Variants in DOCK11 observed in about 807,000 individuals in gnomAD.
DOCK11 encodes the protein dedicator of cytokinesis 11.
Under a neutral mutation model 169.1 loss-of-function variants are expected in DOCK11, and 70 were observed. That is an observed-to-expected ratio of 0.41 (90% CI 0.34 to 0.51). DOCK11 has a LOEUF of 0.51. DOCK11 is among the 20% of genes least tolerant of loss of function. The pLI, the probability that DOCK11 is intolerant of heterozygous loss-of-function variation, is 0.10. For synonymous variants in DOCK11, 529 were observed against 541.3 expected, an observed-to-expected ratio of 0.98 and a Z score of 0.32; for missense variants, 1,166 against 1,538.8, an observed-to-expected ratio of 0.76 and a Z score of 4.05.
At chrX:118,531,639 C>G (rs1295831369) in intron 1 of DOCK11, among the ~76,000 whole-genome samples, 1 of 107,672 alleles carries the variant, frequency 9.3e-6, no homozygotes, top group Non-Finnish European at 1.9e-5. Context: ...CTCACTGCAA[C>G]CTCCGCCTCC....
chrX:118,570,147 G>A (rs756480034), intron 10 of DOCK11, among the ~76,000 whole-genome samples: 1 of 112,065 alleles, frequency 8.9e-6, no homozygotes, highest in African/African-American at 3.2e-5. Flanking sequence ...TCTAGGTGAG[G>A]TGCCATCCCA....
intron 1 of DOCK11, among the ~76,000 whole-genome samples, chrX:118,527,410 A>G (rs1369313412): frequency 8.9e-6 from 1 of 112,248 alleles, no homozygotes; most frequent in Admixed American, 9.5e-5. Context: ...GGAGCAACAA[A>G]TATTTGTTGG....
intron 41 of DOCK11, among the ~76,000 whole-genome samples, chrX:118,651,442 A>C (rs1349915276): frequency 1.8e-5 from 2 of 111,379 alleles, no homozygotes; most frequent in African/African-American, 6.5e-5. Flanking sequence ...ACCCTGTCCC[A>C]AAAAATAAGA....
At chrX:118,617,605 G>A (rs764099915) in intron 30 of DOCK11, among the ~76,000 whole-genome samples, 3 of 50,141 alleles carry the variant, frequency 6.0e-5, no homozygotes, top group Non-Finnish European at 3.6e-5. Flanking sequence ...TCTAGCCTGG[G>A]CACAGTGGCT....
intron 1 of DOCK11, among the ~76,000 whole-genome samples, chrX:118,536,914 T>C (rs968254168): frequency 9.0e-6 from 1 of 111,133 alleles, no homozygotes; most frequent in African/African-American, 3.3e-5. Context: ...TTTAAGATGC[T>C]CTCTAGAGAA....
chrX:118,634,367 C>T (rs1192883864), intron 35 of DOCK11: 1 of 112,546 alleles, frequency 8.9e-6, no homozygotes, highest in African/African-American at 3.2e-5. Flanking sequence ...ACAACAGTGC[C>T]GTTAAGAAAA....
intron 18 of DOCK11, 126 bp from the exon 19 acceptor site, chrX:118,590,067 GGGAATTTACAGGCTCAC>G: frequency 4.2e-6 from 2 of 478,455 alleles, no homozygotes; most frequent in Non-Finnish European, 3.7e-6. Context: ...GTAAATGATT[GGGAATTTACAGGCTCAC>G]GGTGACTGCC....
At chrX:118,533,825 G>A (rs1339511882) in intron 1 of DOCK11, among the ~76,000 whole-genome samples, 2 of 112,203 alleles carry the variant, frequency 1.8e-5, no homozygotes, top group African/African-American at 6.5e-5. Flanking sequence ...TTTAAGGTGA[G>A]CACTAAGATC....
chrX:118,508,040 G>T (rs2057625739), intron 1 of DOCK11, among the ~76,000 whole-genome samples: 1 of 106,103 alleles, frequency 9.4e-6, no homozygotes, highest in Non-Finnish European at 1.9e-5. Flanking sequence ...TCTCTTTAGT[G>T]GGAAAGTAGG....
At chrX:118,637,241 A>G (rs972534492) in intron 36 of DOCK11, among the ~76,000 whole-genome samples, 2 of 110,554 alleles carry the variant, frequency 1.8e-5, no homozygotes, top group South Asian at 3.9e-4. Flanking sequence ...GGGTGGAGGG[A>G]TATCAGGGGA....
chrX:118,657,898 A>C lies in DOCK11; in HGVS notation c.4969+2937A>C, dbSNP rs139459965. Among the ~76,000 whole-genome samples, 579 of 111,228 alleles carry C rather than the reference A, an allele frequency of 5.2e-3. 26 individuals carry two copies. Among genetic ancestry groups the C allele is most frequent in the South Asian group, 0.039 (104 of 2,655 alleles). On this transcript the variant is annotated intron_variant, in intron 44 of 52. Coordinates refer to ENST00000276202, the MANE Select transcript of DOCK11 (RefSeq NM_144658.4). ...ACTGCTCGGGTGACAGGTACACCAA[A>C]ATCTCAGAAATTACTGCTAAAGGAC...
chrX:118,641,312 A>G lies in DOCK11; in HGVS notation c.4260+7A>G, dbSNP rs1195481114. On this transcript the variant is annotated splice_region_variant and intron_variant, in intron 39 of 52. Coordinates refer to ENST00000276202, the MANE Select transcript of DOCK11 (RefSeq NM_144658.4). ...TTTCACTCAGTGCTTCAAGGTAAAAATGAAGAGTTATAATTCAGTTGGTAC... is the reference window on the plus strand; with the variant it reads ...TTTCACTCAGTGCTTCAAGGTAAAAGTGAAGAGTTATAATTCAGTTGGTAC... 8.9e-6 allele frequency: 10 copies of G among 1,120,730 alleles called. No homozygotes were observed. Among genetic ancestry groups the G allele is most frequent in the Non-Finnish European group, 1.1e-5 (9 of 816,621 alleles). 92.4% of individuals were successfully genotyped at this position (1,120,730 alleles called of 1,213,427 possible). A position where few individuals can be genotyped will look rare whatever the true frequency, so the allele number is the denominator to read the frequency against.
At chrX:118,523,521 C>T (rs1166928894) in intron 1 of DOCK11, among the ~76,000 whole-genome samples, 1 of 111,806 alleles carries the variant, frequency 8.9e-6, no homozygotes, top group Non-Finnish European at 1.9e-5. Flanking sequence ...AAAAACAAAT[C>T]AGTACTTTGT....
intron 1 of DOCK11, among the ~76,000 whole-genome samples, chrX:118,512,181 G>A (rs959462843): frequency 1.8e-5 from 2 of 112,228 alleles, no homozygotes; most frequent in Admixed American, 1.9e-4. Flanking sequence ...GGATTACAGC[G>A]TGAGCCACCA....
intron 6 of DOCK11, among the ~76,000 whole-genome samples, chrX:118,555,294 C>T (rs189515591): frequency 3.6e-4 from 40 of 111,199 alleles, no homozygotes; most frequent in African/African-American, 1.2e-3. Flanking sequence ...GTGGCTCATG[C>T]CTGTAATGCC....
chrX:118,504,579 G>C (rs1328163967), intron 1 of DOCK11, among the ~76,000 whole-genome samples: 2 of 112,036 alleles, frequency 1.8e-5, no homozygotes, highest in East Asian at 5.6e-4. Context: ...AAAATAATTT[G>C]TTTATCATGG....
intron 36 of DOCK11, among the ~76,000 whole-genome samples, chrX:118,637,495 C>T (rs997978336): frequency 2.7e-5 from 3 of 111,953 alleles, no homozygotes; most frequent in South Asian, 3.7e-4. Context: ...CGTGGTGGCT[C>T]ACGCCTGTAA....
Position 118,516,004 on chromosome X carries a change from A to ACTATATAT in DOCK11, c.102+19931_102+19932insCTATATAT, listed in dbSNP as rs1436837389. On this transcript the variant is annotated intron_variant, in intron 1 of 52. Transcript: ENST00000276202. Reference sequence around the variant, plus strand: ...ATGTTCAAAAGTAAGGATTTGGGCAAATATATATATATATACATTCTTACA... The same window carrying ACTATATAT: ...ATGTTCAAAAGTAAGGATTTGGGCAACTATATATATATATATATATATACATTCTTACA... Among the ~76,000 whole-genome samples the ACTATATAT allele has an allele frequency of 3.6e-4, 16 of 44,942 alleles. 1 individual carries two copies. The highest frequency in any genetic ancestry group is 1.5e-3 in the African/African-American group (13 of 8,529). 39.0% of individuals were successfully genotyped at this position (44,942 alleles called of 115,157 possible).
At chrX:118,616,692 A>T (rs1328351728) in intron 30 of DOCK11, among the ~76,000 whole-genome samples, 2 of 110,819 alleles carry the variant, frequency 1.8e-5, no homozygotes, top group Non-Finnish European at 3.8e-5. Context: ...ATTGATTACC[A>T]TTTGTAAAAT....
Sources: gnomAD v4.1 joint callset for allele counts (sites outside exome capture counted in the v4.1 genomes callset) on GRCh38, gnomAD v4.1.1 for gene constraint, MANE v1.5 for transcripts, NCBI Gene and HGNC (gene_info 2026-07-23, HGNC 2026-07-21) for gene names.